Variants in SF3A3 observed in about 807,000 individuals in gnomAD.
SF3A3 encodes the protein SAP 61.
SF3A3 carries 9 observed loss-of-function variants against 85.8 expected under a neutral mutation model. That is an observed-to-expected ratio of 0.10 (90% CI 0.06 to 0.18). SF3A3 has a LOEUF of 0.18. SF3A3 is among the 10% of genes least tolerant of loss of function. The probability of loss-of-function intolerance (pLI) is 1.00; values close to 1 mark genes in which losing one functional copy is unlikely to be tolerated. For missense variants in SF3A3, 306 were observed against 593.3 expected (o/e 0.52, Z 5.03); for synonymous variants, 195 against 204.4 (o/e 0.95, Z 0.39).
intron 15 of SF3A3, among the ~76,000 whole-genome samples, chr1:37,966,241 TA>T (rs67524417): frequency 0.38 from 57,354 of 149,966 alleles, 11,614 homozygotes; most frequent in Non-Finnish European, 0.45. Flanking sequence ...TAAATTAAAT[TA>T]AAAAAAAAGA....
intron 4 of SF3A3, among the ~76,000 whole-genome samples, chr1:37,985,206 G>C (rs919271844): frequency 2.0e-5 from 3 of 152,180 alleles, no homozygotes; most frequent in African/African-American, 7.2e-5. Flanking sequence ...TTTTTCACTA[G>C]GAAATCTACT....
chr1:37,987,583 T>C lies in SF3A3; in HGVS notation c.293A>G (p.His98Arg). 4 of 1,612,576 alleles carry C rather than the reference T, an allele frequency of 2.5e-6. No individual in the cohort carries two copies. Among genetic ancestry groups the C allele is most frequent in the Non-Finnish European group, 3.4e-6 (4 of 1,178,578 alleles). The change falls in exon 4 of 17, where the codon CAC becomes CGC. Residue 98 changes from histidine to arginine, a missense_variant. Physicochemically the swap from His to Arg is conservative, Grantham distance 29. Coordinates refer to ENST00000373019, the MANE Select transcript of SF3A3 (RefSeq NM_006802.4). The part of the protein sequence containing the change: ...LKQIKEFHRK[H>R]PNEICVPMSV... ...TTTCTGAGGACATACCTCATTTGGG[T>C]GCTTCCGGTGGAATTCCTTTATTTG...
chr1:37,961,526 G>A lies in SF3A3; in HGVS notation c.1373-1351C>T, dbSNP rs555703247. On this transcript the variant is annotated intron_variant, in intron 15 of 16. Coordinates refer to ENST00000373019, the MANE Select transcript of SF3A3 (RefSeq NM_006802.4). ...TTGAACCTGGGAGGTGGAGGTTGGG[G>A]TGAGCCGAGATAACACCACTGCACT... Among the ~76,000 whole-genome samples, 185 of 151,452 alleles carry A rather than the reference G, an allele frequency of 1.2e-3. 1 individual carries two copies. Among genetic ancestry groups the A allele is most frequent in the Non-Finnish European group, 1.8e-3 (123 of 67,866 alleles).
chr1:37,967,466 T>G (rs1239320826), intron 15 of SF3A3, among the ~76,000 whole-genome samples: 2 of 150,414 alleles, frequency 1.3e-5, no homozygotes, highest in Non-Finnish European at 3.0e-5. Flanking sequence ...GATCATGAGG[T>G]CAGGAGATCA....
intron 15 of SF3A3, among the ~76,000 whole-genome samples, chr1:37,965,986 A>C (rs1247069859): frequency 3.3e-5 from 5 of 152,104 alleles, no homozygotes; most frequent in Non-Finnish European, 7.4e-5. Context: ...AGGTCACCTG[A>C]GATCAGGAGT....
chr1:37,971,411 C>T (rs1276227199), intron 12 of SF3A3, among the ~76,000 whole-genome samples: 7 of 152,140 alleles, frequency 4.6e-5, no homozygotes, highest in East Asian at 1.9e-4. Context: ...GATTCACAGC[C>T]GAGTTCTACC....
chr1:37,980,724 T>G lies in SF3A3; in HGVS notation c.552A>C (p.Arg184Ser), dbSNP rs1646412182. ...GGTACTCAAGCAGCATCTCTAGGTA[T>G]CTACAGAGGAACACACAATGCAGAC... ...PKERKNAEYK[R>S]YLEMLLEYLQ... is the part of the protein sequence containing the mutation. Residue 184 changes from arginine (R) to serine (S), a missense_variant and splice_region_variant, in exon 8 of 17, where the codon AGA becomes AGC. By Grantham distance (110) the Arg-to-Ser change is moderately radical (BLOSUM62 -1). This residue lies in a region of SF3A3 where 136 missense variants were observed against 296.6 expected (regional missense o/e 0.46). Coordinates refer to ENST00000373019, the MANE Select transcript of SF3A3 (RefSeq NM_006802.4). 1.2e-6 allele frequency: 2 copies of G among 1,611,270 alleles called. No homozygotes were observed. The highest frequency in any genetic ancestry group is 1.7e-6 in the Non-Finnish European group (2 of 1,177,930).
At chr1:37,960,473 T>G in intron 15 of SF3A3, 1 of 359,140 alleles carries the variant, frequency 2.8e-6, no homozygotes. Context: ...CCTATGAGAA[T>G]AATGGGGAAA....
chr1:37,968,281 A>G (rs1274336338), intron 14 of SF3A3, 147 bp from the exon 15 acceptor site: 2 of 644,732 alleles, frequency 3.1e-6, no homozygotes, highest in Non-Finnish European at 5.8e-6. Context: ...ATGTTTGTAA[A>G]CAGCTGGCTG....
Position 37,978,342 on chromosome 1 carries a change from A to G in SF3A3, c.935+378T>C, listed in dbSNP as rs997070595. On this transcript the variant is annotated intron_variant, in intron 11 of 16. Transcript: ENST00000373019. ...CAACAGAGTGAGACTGTCTCAAAAA[A>G]AAAAAAAAAGAAAAAAGAAAATACC... 4.6e-5 allele frequency among the ~76,000 whole-genome samples: 7 copies of G among 152,138 alleles called. No individual in the cohort carries two copies. The Middle Eastern group carries it at 0.01, about 222-fold the overall frequency.
Position 37,972,697 on chromosome 1 carries a change from G to A in SF3A3, c.1006-2962C>T, listed in dbSNP as rs569880774. Among the ~76,000 whole-genome samples the A allele has an allele frequency of 1.5e-4, 23 of 152,188 alleles. No individual in the cohort carries two copies. The South Asian group carries it at 3.5e-3, about 23-fold the overall frequency. ...GAGATATAGACCAATGGAACAGAAC[G>A]GAGTCCTTGGAAATAGTATGACACA... On this transcript the variant is annotated intron_variant, in intron 12 of 16. Transcript: ENST00000373019.
chr1:37,987,959 C>G lies in SF3A3; in HGVS notation c.145-123G>C, dbSNP rs115516429. The G allele has an allele frequency of 1.5e-3, 1,176 of 792,684 alleles. 3 individuals carry two copies. Among genetic ancestry groups the G allele is most frequent in the Middle Eastern group, 2.9e-3 (13 of 4,450 alleles). 49.1% of individuals were successfully genotyped at this position (792,684 alleles called of 1,614,324 possible). On this transcript the variant is annotated intron_variant, in intron 2 of 16. Coordinates refer to ENST00000373019, the MANE Select transcript of SF3A3 (RefSeq NM_006802.4). ...TCAAGAGACATGGATATGAGATAGT[C>G]TTAACAGTTCTGTGCTTCCTAGTAC... is the stretch of plus-strand genomic sequence containing the variant.
At chr1:37,989,625 G>T (rs770905176) in intron 1 of SF3A3, 30 bp from the exon 2 acceptor site, 15 of 1,611,302 alleles carry the variant, frequency 9.3e-6, no homozygotes, top group Non-Finnish European at 5.9e-6. Context: ...CACAAACGCC[G>T]TTAGTTTGCG....
At position 37,984,222 on chromosome 1, in the gene SF3A3, A is replaced by T; in HGVS notation, c.415T>A (p.Tyr139Asn). 1 of 1,609,754 alleles carries T rather than the reference A, an allele frequency of 6.2e-7. No individual in the cohort carries two copies. Residue 139 changes from tyrosine (Y) to asparagine (N), a missense_variant, in exon 6 of 17, where the codon TAT (tyrosine) becomes AAT (asparagine). Around this residue, in one of 4 missense-constraint regions of SF3A3, gnomAD observed 152 missense variants for 192.0 expected, o/e 0.79. Transcript: ENST00000373019. ...AGGTAACAGTCATGGAGATCGAGAT[A>T]ACGACCATATCCCTCTTCATCTGTG... Reference protein sequence around the residue: ...EFTDEEGYGRYLDLHDCYLKY... With the variant: ...EFTDEEGYGRNLDLHDCYLKY...
At chr1:37,984,388 A>G in intron 5 of SF3A3, 128 bp from the exon 6 acceptor site, 1 of 642,966 alleles carries the variant, frequency 1.6e-6, no homozygotes, top group Non-Finnish European at 2.8e-6. Context: ...CCCTTTGCTC[A>G]CAATATAACC....
chr1:37,969,808 G>C (rs1379203385), intron 12 of SF3A3, 73 bp from the exon 13 acceptor site: 1 of 1,538,164 alleles, frequency 6.5e-7, no homozygotes, highest in Non-Finnish European at 8.9e-7. Context: ...CTGTTTTCCT[G>C]TAACTTTTGC....
At position 37,974,070 on chromosome 1, in the gene SF3A3, G is replaced by C. The variant is rs184000085; in HGVS notation, c.1005+2814C>G. Among the ~76,000 whole-genome samples, 5 of 152,072 alleles carry C rather than the reference G, an allele frequency of 3.3e-5. No individual in the cohort carries two copies. In the East Asian group the frequency reaches 9.7e-4, roughly 29 times the overall value. ...CACAGGGTGGGGAACATCACACATC[G>C]GGACCTGTTGTGGGGTTGGAGGACG... On this transcript the variant is annotated intron_variant, in intron 12 of 16. Transcript: ENST00000373019.
In SF3A3 at chr1:37,979,028, A is replaced by G; in HGVS notation, c.787T>C (p.Leu263=). 4 of 1,614,074 alleles carry G rather than the reference A, an allele frequency of 2.5e-6. No homozygotes were observed. Among genetic ancestry groups the G allele is most frequent in the Non-Finnish European group, 3.4e-6 (4 of 1,179,908 alleles). ...EELASLGLDR[L]KSALLALGLK... ...CCTAAAGCTAAGAGAGCAGATTTCA[A>G]TCTGTCCAAACCCAGAGAAGCCAAC... Residue 263 remains leucine (L), a synonymous_variant, in exon 10 of 17, where the codon TTG becomes CTG. Coordinates refer to ENST00000373019, the MANE Select transcript of SF3A3 (RefSeq NM_006802.4).
At chr1:37,965,254 C>A (rs1293458610) in intron 15 of SF3A3, among the ~76,000 whole-genome samples, 3 of 137,740 alleles carry the variant, frequency 2.2e-5, no homozygotes, top group Non-Finnish European at 4.5e-5. Flanking sequence ...TCACTTCAGC[C>A]CAGGAGTTTG....
Sources: gnomAD v4.1 joint callset for allele counts (sites outside exome capture counted in the v4.1 genomes callset) on GRCh38, gnomAD v4.1.1 for gene constraint, gnomAD v4.1.1 regional missense constraint, MANE v1.5 for transcripts, NCBI Gene and HGNC (gene_info 2026-07-23, HGNC 2026-07-21) for gene names.